The following CTNND2 variants were observed in gnomAD, a reference collection of about 807,000 sequenced individuals.
CTNND2 encodes the protein catenin delta 2.
CTNND2 carries 22 observed loss-of-function variants against 144.4 expected under a neutral mutation model. The ratio of observed to expected loss-of-function variants is 0.15; its 90% confidence interval spans 0.11 to 0.22. CTNND2 has a LOEUF of 0.22. Among genes scored for constraint, CTNND2 ranks in the 10% least tolerant of loss-of-function variants. CTNND2 has a pLI of 1.00. For missense variants in CTNND2, 1,353 were observed against 1,618.8 expected (o/e 0.84, Z 2.82); for synonymous variants, 751 against 695.6 (o/e 1.08, Z -1.25).
At chr5:11,134,981 A>C (rs1219022904) in intron 12 of CTNND2, among the ~76,000 whole-genome samples, 1 of 152,218 alleles carries the variant, frequency 6.6e-6, no homozygotes, top group African/African-American at 2.4e-5. Context: ...GGCCATGAAG[A>C]GTTTAGTTCC....
intron 3 of CTNND2, among the ~76,000 whole-genome samples, chr5:11,450,625 C>G (rs531400478): frequency 4.7e-4 from 72 of 152,234 alleles, no homozygotes; most frequent in African/African-American, 1.6e-3. Context: ...CCAGGCTGGG[C>G]GTGGTGGCTC....
chr5:10,991,222 C>G (rs1501779), intron 19 of CTNND2, among the ~76,000 whole-genome samples: 61,439 of 152,014 alleles, frequency 0.4, 12,822 homozygotes, highest in African/African-American at 0.5. Flanking sequence ...CATTTCTCAT[C>G]ATGTTGACAG....
At chr5:11,275,082 G>A (rs866745843) in intron 9 of CTNND2, among the ~76,000 whole-genome samples, 4 of 152,132 alleles carry the variant, frequency 2.6e-5, no homozygotes, top group African/African-American at 4.8e-5. Flanking sequence ...AGGTTAATGC[G>A]TGGGTGGGAA....
At chr5:11,019,197 C>T (rs1741964110) in intron 17 of CTNND2, among the ~76,000 whole-genome samples, 1 of 152,022 alleles carries the variant, frequency 6.6e-6, no homozygotes, top group African/African-American at 2.4e-5. Context: ...ACTACAATAT[C>T]TCTAAGGTAT....
At chr5:11,128,789 T>G (rs1336412467) in intron 12 of CTNND2, among the ~76,000 whole-genome samples, 1 of 35,396 alleles carries the variant, frequency 2.8e-5, no homozygotes, top group Non-Finnish European at 4.9e-5. Context: ...AATATATAAA[T>G]ATATATTATA....
At chr5:11,059,699 G>T (rs1746728188) in intron 16 of CTNND2, among the ~76,000 whole-genome samples, 1 of 151,980 alleles carries the variant, frequency 6.6e-6, no homozygotes, top group South Asian at 2.1e-4. Context: ...TCTGAAAATA[G>T]CTTGGGACAA....
At chr5:11,135,638 A>G (rs1400851861) in intron 12 of CTNND2, among the ~76,000 whole-genome samples, 1 of 152,246 alleles carries the variant, frequency 6.6e-6, no homozygotes, top group Non-Finnish European at 1.5e-5. Context: ...TTTACAGACT[A>G]TGCTGAAAAT....
chr5:11,512,639 G>A (rs1771760702), intron 3 of CTNND2, among the ~76,000 whole-genome samples: 1 of 152,108 alleles, frequency 6.6e-6, no homozygotes, highest in African/African-American at 2.4e-5. Flanking sequence ...ACTCTTCTCT[G>A]CCTTCCATCA....
intron 12 of CTNND2, among the ~76,000 whole-genome samples, chr5:11,130,029 T>G (rs1007016419): frequency 1.3e-5 from 2 of 152,174 alleles, no homozygotes; most frequent in African/African-American, 4.8e-5. Context: ...TTCCCTAATT[T>G]TTTTTTAAAG....
At chr5:11,254,586 G>A (rs1744025322) in intron 9 of CTNND2, among the ~76,000 whole-genome samples, 1 of 152,098 alleles carries the variant, frequency 6.6e-6, no homozygotes, top group African/African-American at 2.4e-5. Context: ...CTTCTACTAG[G>A]TCAGAGGAAA....
intron 1 of CTNND2, among the ~76,000 whole-genome samples, chr5:11,811,802 T>C (rs1227496211): frequency 6.6e-6 from 1 of 152,228 alleles, no homozygotes; most frequent in East Asian, 1.9e-4. Context: ...AGATTCTTTC[T>C]AGACACTAGA....
chr5:11,674,648 G>A (rs1270254308), intron 2 of CTNND2, among the ~76,000 whole-genome samples: 1 of 152,226 alleles, frequency 6.6e-6, no homozygotes, highest in East Asian at 1.9e-4. Context: ...TAGCGTTAGA[G>A]TTGTTTCATT....
intron 9 of CTNND2, among the ~76,000 whole-genome samples, chr5:11,301,605 A>C (rs1749617137): frequency 6.6e-6 from 1 of 152,164 alleles, no homozygotes; most frequent in African/African-American, 2.4e-5. Flanking sequence ...CTTCCCCTGA[A>C]GTTTCATTGT....
intron 10 of CTNND2, among the ~76,000 whole-genome samples, chr5:11,206,258 C>T (rs927252695): frequency 1.3e-5 from 2 of 152,272 alleles, no homozygotes; most frequent in South Asian, 2.1e-4. Context: ...GTGAAGTTTT[C>T]TGAGAATGAA....
intron 9 of CTNND2, among the ~76,000 whole-genome samples, chr5:11,241,849 T>C (rs1742485898): frequency 6.6e-6 from 1 of 151,948 alleles, no homozygotes; most frequent in Non-Finnish European, 1.5e-5. Context: ...ACAAAGAGGA[T>C]CCTGTAAGAC....
At chr5:11,155,183 A>G (rs545798875) in intron 12 of CTNND2, among the ~76,000 whole-genome samples, 14 of 152,136 alleles carry the variant, frequency 9.2e-5, no homozygotes, top group South Asian at 2.1e-4. Flanking sequence ...CCCTCAACAC[A>G]TGTTTTTGGT....
intron 9 of CTNND2, among the ~76,000 whole-genome samples, chr5:11,308,730 T>C (rs1167410627): frequency 6.6e-6 from 1 of 152,226 alleles, no homozygotes; most frequent in African/African-American, 2.4e-5. Flanking sequence ...ACAACATTTT[T>C]AATGGCTTGG....
At chr5:11,487,490 C>T (rs544748320) in intron 3 of CTNND2, among the ~76,000 whole-genome samples, 6 of 152,156 alleles carry the variant, frequency 3.9e-5, no homozygotes, top group Admixed American at 3.3e-4. Flanking sequence ...ACATGAACAG[C>T]CCAGTGATAA....
intron 3 of CTNND2, among the ~76,000 whole-genome samples, chr5:11,492,713 A>AAT (rs1162300537): frequency 6.6e-6 from 1 of 151,804 alleles, no homozygotes; most frequent in African/African-American, 2.4e-5. Context: ...CATTAATAAA[A>AAT]ATATATATTC....
Sources: allele counts gnomAD v4.1 joint callset (sites outside exome capture counted in the v4.1 genomes callset), GRCh38; gene constraint gnomAD v4.1.1; transcripts MANE v1.5; gene names NCBI Gene and HGNC (gene_info 2026-07-23, HGNC 2026-07-21).